The following RNF121 variants were observed in gnomAD, a reference collection of about 807,000 sequenced individuals.
RNF121 encodes ring finger protein 121.
Under a neutral mutation model 46.5 loss-of-function variants are expected in RNF121, and 21 were observed. The observed-to-expected ratio is 0.45, with a 90% confidence interval of 0.32 to 0.65. The LOEUF (loss-of-function observed/expected upper bound fraction) is 0.65, where lower values mean the gene tolerates loss of function less well. Ranked by LOEUF, RNF121 falls within the 30% of genes least tolerant of loss-of-function variation. RNF121 has a pLI of 0.04. For synonymous variants in RNF121, 139 were observed against 144.7 expected, an observed-to-expected ratio of 0.96 and a Z score of 0.28; for missense variants, 346 against 416.0, an observed-to-expected ratio of 0.83 and a Z score of 1.46.
chr11:71,945,879 G>A (rs183206381), intron 1 of RNF121, among the ~76,000 whole-genome samples: 16 of 152,302 alleles, frequency 1.1e-4, no homozygotes, highest in African/African-American at 3.8e-4. Context: ...TTGGGAGGCT[G>A]AGGAGGGTGG....
chr11:71,968,413 G>A (rs970942738), intron 3 of RNF121, among the ~76,000 whole-genome samples: 1 of 152,112 alleles, frequency 6.6e-6, no homozygotes, highest in Non-Finnish European at 1.5e-5. Flanking sequence ...TATTCTGTTT[G>A]GATGGCCCAT....
At chr11:71,961,718 G>A (rs565235023) in intron 3 of RNF121, among the ~76,000 whole-genome samples, 43 of 152,164 alleles carry the variant, frequency 2.8e-4, no homozygotes, top group African/African-American at 9.6e-4. Flanking sequence ...ACAGAAATTG[G>A]CAGATTGGTT....
At position 71,968,454 on chromosome 11, in the gene RNF121, T is replaced by G. The variant is rs543059893; in HGVS notation, c.243+7563T>G. 2.0e-5 allele frequency among the ~76,000 whole-genome samples: 3 copies of G among 152,336 alleles called. No individual in the cohort carries two copies. In the South Asian group the frequency reaches 6.2e-4, roughly 32 times the overall value. On this transcript the variant is annotated intron_variant, in intron 3 of 8. Transcript: ENST00000361756. ...TGTTCCTGATTTTCTATCCTGGTTC[T>G]TATAAAGTTCTTCTGCCTGCCTAGG...
chr11:71,988,551 C>T (rs570217476), intron 5 of RNF121, among the ~76,000 whole-genome samples: 32 of 151,804 alleles, frequency 2.1e-4, no homozygotes, highest in African/African-American at 7.2e-4. Context: ...CACTTGTAAT[C>T]CCAGCTATTT....
At chr11:71,947,129 G>T (rs1198000610) in intron 1 of RNF121, among the ~76,000 whole-genome samples, 1 of 151,978 alleles carries the variant, frequency 6.6e-6, no homozygotes, top group Non-Finnish European at 1.5e-5. Context: ...CTCCCAAAGT[G>T]TTAAGATTAC....
At chr11:71,967,349 G>GTTTTTTTTTT (rs770121817) in intron 3 of RNF121, among the ~76,000 whole-genome samples, 21 of 100,526 alleles carry the variant, frequency 2.1e-4, no homozygotes, top group African/African-American at 4.1e-4. Context: ...GGTTTTTTTT[G>GTTTTTTTTTT]TTTTTTTTTT....
chr11:71,990,874 T>A, intron 6 of RNF121, 157 bp downstream of exon 6: 1 of 887,662 alleles, frequency 1.1e-6, no homozygotes, highest in Non-Finnish European at 1.7e-6. Flanking sequence ...TCCTTAAAGT[T>A]TGGAAAGCAA....
At chr11:71,991,737 G>T (rs929868037) in intron 6 of RNF121, among the ~76,000 whole-genome samples, 1 of 152,072 alleles carries the variant, frequency 6.6e-6, no homozygotes, top group African/African-American at 2.4e-5. Flanking sequence ...AGACCATTGC[G>T]GTTGTATGGC....
chr11:71,976,028 A>G (rs941508241), intron 3 of RNF121, among the ~76,000 whole-genome samples: 14 of 152,176 alleles, frequency 9.2e-5, no homozygotes, highest in Non-Finnish European at 1.8e-4. Context: ...GTGTCTCACT[A>G]GGTCATAGAA....
At chr11:71,985,336 T>C (rs1184841000) in intron 4 of RNF121, among the ~76,000 whole-genome samples, 1 of 152,186 alleles carries the variant, frequency 6.6e-6, no homozygotes. Flanking sequence ...TAGCAGGGTT[T>C]TCCTGTTTTA....
chr11:71,943,377 C>T (rs1331999716), intron 1 of RNF121, among the ~76,000 whole-genome samples: 2 of 152,182 alleles, frequency 1.3e-5, no homozygotes, highest in South Asian at 2.1e-4. Flanking sequence ...GAGGTTTGGA[C>T]GTTGTTCTGG....
intron 6 of RNF121, among the ~76,000 whole-genome samples, chr11:71,991,237 A>T (rs1954858205): frequency 1.1e-4 from 1 of 9,428 alleles, no homozygotes; most frequent in Admixed American, 1.5e-3. Flanking sequence ...TGAAATTATT[A>T]AAAAAAAAAT....
chr11:71,968,948 C>T (rs865823758), intron 3 of RNF121, among the ~76,000 whole-genome samples: 1 of 148,192 alleles, frequency 6.7e-6, no homozygotes, highest in Non-Finnish European at 1.5e-5. Context: ...TGCAGTGGCG[C>T]GATCTCGGCT....
intron 6 of RNF121, 33 bp from the exon 7 acceptor site, chr11:71,994,686 T>C: frequency 6.2e-7 from 1 of 1,613,468 alleles, no homozygotes; most frequent in Non-Finnish European, 8.5e-7. Flanking sequence ...CTCACATCTT[T>C]TCCTATCTTT....
intron 3 of RNF121, among the ~76,000 whole-genome samples, chr11:71,965,797 A>G (rs913020220): frequency 6.6e-6 from 1 of 152,216 alleles, no homozygotes; most frequent in Non-Finnish European, 1.5e-5. Flanking sequence ...TATAGCTATT[A>G]TAGTTTACAA....
intron 3 of RNF121, among the ~76,000 whole-genome samples, chr11:71,973,592 G>A (rs1457026686): frequency 6.6e-6 from 1 of 152,064 alleles, no homozygotes; most frequent in Non-Finnish European, 1.5e-5. Context: ...TTCAAGACCA[G>A]CCTGACCAAC....
intron 1 of RNF121, among the ~76,000 whole-genome samples, chr11:71,932,501 G>A (rs754090495): frequency 3.3e-5 from 5 of 152,144 alleles, no homozygotes; most frequent in East Asian, 1.9e-4. Flanking sequence ...AAATTGTATC[G>A]TCTTAATCAT....
chr11:71,995,572 T>C (rs762617248), intron 8 of RNF121, 21 bp downstream of exon 8: 29 of 1,549,888 alleles, frequency 1.9e-5, no homozygotes, highest in Non-Finnish European at 2.2e-5. Context: ...TTGGGGTCGT[T>C]GTTGGGAGTG....
intron 1 of RNF121, among the ~76,000 whole-genome samples, chr11:71,946,077 C>T (rs1953708838): frequency 6.6e-6 from 1 of 151,756 alleles, no homozygotes; most frequent in Admixed American, 6.6e-5. Context: ...TGCCACTGCA[C>T]TCCAGCCTGG....
Sources: gnomAD v4.1 joint callset for allele counts (sites outside exome capture counted in the v4.1 genomes callset) on GRCh38, gnomAD v4.1.1 for gene constraint, MANE v1.5 for transcripts, NCBI Gene and HGNC (gene_info 2026-07-23, HGNC 2026-07-21) for gene names.